ZNF521: variants seen among roughly 807,000 people sequenced by gnomAD.
The protein encoded by ZNF521 is LYST-interacting protein 3.
A neutral mutation model predicts 105.5 loss-of-function variants in ZNF521; 14 were observed. That is an observed-to-expected ratio of 0.13 (90% CI 0.09 to 0.21). The LOEUF (loss-of-function observed/expected upper bound fraction) is 0.21, where lower values mean the gene tolerates loss of function less well. Ranked by LOEUF, ZNF521 falls within the 10% of genes least tolerant of loss-of-function variation. The pLI is 1.00. For synonymous variants in ZNF521, 635 were observed against 606.0 expected, an observed-to-expected ratio of 1.05 and a Z score of -0.70; for missense variants, 1,233 against 1,629.7, an observed-to-expected ratio of 0.76 and a Z score of 4.19.
intron 3 of ZNF521, among the ~76,000 whole-genome samples, chr18:25,234,597 A>G (rs1444463301): frequency 6.6e-6 from 1 of 152,154 alleles, no homozygotes; most frequent in African/African-American, 2.4e-5. Context: ...ATGAGGTATT[A>G]TAAGACTCAA....
intron 5 of ZNF521, among the ~76,000 whole-genome samples, chr18:25,142,267 T>C (rs757142812): frequency 1.3e-5 from 2 of 152,198 alleles, no homozygotes; most frequent in Admixed American, 1.3e-4. Flanking sequence ...CATCTCTGGC[T>C]ACTACCAAGC....
In ZNF521 at chr18:25,105,545, A is replaced by T. The variant is rs867631793; in HGVS notation, c.3659-13464T>A. On this transcript the variant is annotated intron_variant, in intron 5 of 7. Transcript: ENST00000361524. ...ATCTCTGAGGATGATTATAAATATA[A>T]TAACTACTGTATTTATATAGCCCTT... 8.8e-4 allele frequency among the ~76,000 whole-genome samples: 134 copies of T among 152,176 alleles called. 1 individual carries two copies. Among genetic ancestry groups the T allele is most frequent in the African/African-American group, 3.1e-3 (128 of 41,450 alleles).
At chr18:25,344,231 A>T (rs1355980629) in intron 2 of ZNF521, among the ~76,000 whole-genome samples, 1 of 149,236 alleles carries the variant, frequency 6.7e-6, no homozygotes, top group Non-Finnish European at 1.5e-5. Context: ...CTGCGATTCT[A>T]CTTAGTTTTC....
rs185936935 is a variant in ZNF521, at chr18:25,206,363, A to G, written c.3574-11119T>C. On this transcript the variant is annotated intron_variant, in intron 4 of 7. Transcript: ENST00000361524. ...AATTAGTTACACATAACAAATTAAT[A>G]TGTAAATGACTCATACCTGTTCACT... is the stretch of plus-strand genomic sequence containing the variant. 5.9e-5 allele frequency among the ~76,000 whole-genome samples: 9 copies of G among 152,274 alleles called. No individual in the cohort carries two copies. In the South Asian group the frequency reaches 8.3e-4, roughly 14 times the overall value.
chr18:25,191,887 AATAT>A lies in ZNF521; in HGVS notation c.3658+3269_3658+3272del, dbSNP rs1220055414. On this transcript the variant is annotated intron_variant, in intron 5 of 7. Transcript: ENST00000361524. Reference sequence around the variant, plus strand: ...CAGCTCAGAGAGGAAAATAACAATAAATATTTACTATGCTGATTTCAGAAAAGAG... The same window carrying A: ...CAGCTCAGAGAGGAAAATAACAATAATTACTATGCTGATTTCAGAAAAGAG... Among the ~76,000 whole-genome samples the A allele has an allele frequency of 4.6e-5, 7 of 152,298 alleles. No homozygotes were observed. The East Asian group carries it at 1.3e-3, about 29-fold the overall frequency.
rs890408175 is a variant in ZNF521 at position 25,272,412 on chromosome 18, G to A, written c.221-44715C>T. 4.5e-4 allele frequency among the ~76,000 whole-genome samples: 68 copies of A among 152,176 alleles called. 1 individual carries two copies. Among genetic ancestry groups the A allele is most frequent in the Middle Eastern group, 3.4e-3 (1 of 294 alleles). On this transcript the variant is annotated intron_variant, in intron 3 of 7. Transcript: ENST00000361524. Reference sequence around the variant, plus strand: ...ATTGACCCAGCCATCCCATTACAAGGTATATACCCAAAGGATTATAATTCA... The same window carrying A: ...ATTGACCCAGCCATCCCATTACAAGATATATACCCAAAGGATTATAATTCA...
intron 5 of ZNF521, among the ~76,000 whole-genome samples, chr18:25,157,749 A>T (rs1296331731): frequency 6.6e-6 from 1 of 151,786 alleles, no homozygotes; most frequent in Admixed American, 6.6e-5. Flanking sequence ...GGAAGCTACT[A>T]AACCTTCTTT....
chr18:25,314,234 G>T (rs1190420427), intron 3 of ZNF521, among the ~76,000 whole-genome samples: 1 of 152,034 alleles, frequency 6.6e-6, no homozygotes, highest in African/African-American at 2.4e-5. Context: ...CTGCTTTTAT[G>T]AAAACGATGC....
intron 3 of ZNF521, among the ~76,000 whole-genome samples, chr18:25,230,227 G>T (rs1568024576): frequency 6.6e-6 from 1 of 152,158 alleles, no homozygotes; most frequent in Non-Finnish European, 1.5e-5. Context: ...GGATTGAGCA[G>T]AAGTAAATAG....
At chr18:25,070,434 CATCCATCTCAT>C (rs1421479781) in intron 7 of ZNF521, among the ~76,000 whole-genome samples, 49 of 152,224 alleles carry the variant, frequency 3.2e-4, no homozygotes, top group African/African-American at 1.2e-3. Flanking sequence ...TATAAAAGTT[CATCCATCTCAT>C]CCAAAGCAAC....
At chr18:25,182,776 A>C (rs1418366522) in intron 5 of ZNF521, among the ~76,000 whole-genome samples, 5 of 152,176 alleles carry the variant, frequency 3.3e-5, no homozygotes, top group Non-Finnish European at 5.9e-5. Context: ...ATAGGATGAA[A>C]ATTAGAGTCT....
chr18:25,291,862 TG>T (rs1412312289), intron 3 of ZNF521, among the ~76,000 whole-genome samples: 1 of 152,130 alleles, frequency 6.6e-6, no homozygotes, highest in East Asian at 1.9e-4. Context: ...TAGATACAAC[TG>T]TACTTGAAAA....
At chr18:25,159,095 A>G (rs1050522092) in intron 5 of ZNF521, among the ~76,000 whole-genome samples, 5 of 152,148 alleles carry the variant, frequency 3.3e-5, no homozygotes, top group African/African-American at 1.2e-4. Flanking sequence ...CATCAGAGTG[A>G]TTTGCCCGGT....
chr18:25,344,944 T>C (rs1460817176), intron 2 of ZNF521, among the ~76,000 whole-genome samples: 2 of 152,196 alleles, frequency 1.3e-5, no homozygotes, highest in Non-Finnish European at 2.9e-5. Context: ...AAGAGACCCT[T>C]AATAAAATTC....
In ZNF521 at chr18:25,270,890, C is replaced by T. The variant is rs192598018; in HGVS notation, c.221-43193G>A. The stretch of plus-strand genomic sequence containing the variant: ...ACAACACAAGGATGCCCTCTCACAA[C>T]TCCTGTTCAGCATAGTATTGGAAGT... On this transcript the variant is annotated intron_variant, in intron 3 of 7. Coordinates refer to ENST00000361524, the MANE Select transcript of ZNF521 (RefSeq NM_015461.3). 4.6e-5 allele frequency among the ~76,000 whole-genome samples: 7 copies of T among 152,316 alleles called. No individual in the cohort carries two copies. The East Asian group carries it at 1.4e-3, about 29-fold the overall frequency.
At chr18:25,152,486 A>G (rs987768343) in intron 5 of ZNF521, among the ~76,000 whole-genome samples, 1 of 151,950 alleles carries the variant, frequency 6.6e-6, no homozygotes, top group Non-Finnish European at 1.5e-5. Context: ...CTCAAAAAAA[A>G]AAAAGAAAAA....
chr18:25,164,850 A>T (rs757941958), intron 5 of ZNF521, among the ~76,000 whole-genome samples: 1 of 152,226 alleles, frequency 6.6e-6, no homozygotes, highest in Non-Finnish European at 1.5e-5. Context: ...TAATCAGAAT[A>T]ATAGTTATAC....
At chr18:25,145,871 G>A (rs2034932472) in intron 5 of ZNF521, among the ~76,000 whole-genome samples, 1 of 152,092 alleles carries the variant, frequency 6.6e-6, no homozygotes, top group Admixed American at 6.6e-5. Flanking sequence ...ATCTTCTTCT[G>A]GAAAACGCTA....
intron 5 of ZNF521, among the ~76,000 whole-genome samples, chr18:25,120,142 TAGA>T (rs879428482): frequency 2.0e-5 from 3 of 152,184 alleles, no homozygotes; most frequent in Non-Finnish European, 4.4e-5. Flanking sequence ...GGAAGAAAGG[TAGA>T]CACAATTCCA....
Sources: gnomAD v4.1 joint callset for allele counts (sites outside exome capture counted in the v4.1 genomes callset) on GRCh38, gnomAD v4.1.1 for gene constraint, MANE v1.5 for transcripts, NCBI Gene and HGNC (gene_info 2026-07-23, HGNC 2026-07-21) for gene names.